FAM117B: variants seen among roughly 807,000 people sequenced by gnomAD.
FAM117B encodes the protein family with sequence similarity 117 member B.
A neutral mutation model predicts 52.8 loss-of-function variants in FAM117B; 22 were observed. The ratio of observed to expected loss-of-function variants is 0.42; its 90% confidence interval spans 0.30 to 0.59. The LOEUF (loss-of-function observed/expected upper bound fraction) is 0.59. FAM117B is among the 20% of genes least tolerant of loss of function. The probability of loss-of-function intolerance (pLI) is 0.22; values close to 1 mark genes in which losing one functional copy is unlikely to be tolerated. For missense variants in FAM117B, 678 were observed against 802.6 expected, an observed-to-expected ratio of 0.84 and a Z score of 1.88; for synonymous variants, 309 against 324.1, an observed-to-expected ratio of 0.95 and a Z score of 0.50.
At chr2:202,706,461 A>AAC (rs1690869653) in intron 2 of FAM117B, among the ~76,000 whole-genome samples, 1 of 152,234 alleles carries the variant, frequency 6.6e-6, no homozygotes, top group South Asian at 2.1e-4. Context: ...TTTCCAGTTT[A>AAC]TGGAAAAGAT....
chr2:202,671,868 G>C (rs1192093448), intron 1 of FAM117B, among the ~76,000 whole-genome samples: 1 of 152,170 alleles, frequency 6.6e-6, no homozygotes, highest in Non-Finnish European at 1.5e-5. Flanking sequence ...AATATAGGTT[G>C]GGTGGCTCTC....
rs1358404767 is a variant in FAM117B at position 202,740,173 on chromosome 2, C to CAAAAAAAAAAAAAAA, written c.960+13810_960+13811insAAAAAAAAAAAAAAA. ...GGAGGACAGAGCGAGACTTCATCCC[C>CAAAAAAAAAAAAAAA]CAAAAAAAAAAAAAAAAAAAAAAAA... On this transcript the variant is annotated intron_variant, in intron 4 of 7. Transcript: ENST00000392238. 1.7e-4 allele frequency among the ~76,000 whole-genome samples: 12 copies of CAAAAAAAAAAAAAAA among 69,670 alleles called. 5 individuals carry two copies. Among genetic ancestry groups the CAAAAAAAAAAAAAAA allele is most frequent in the African/African-American group, 2.9e-4 (5 of 17,448 alleles). The allele number at this position is 69,670 out of a possible 152,430, so 45.7% of individuals were successfully genotyped here. A position where few individuals can be genotyped will look rare whatever the true frequency, so the allele number is the denominator to read the frequency against.
intron 1 of FAM117B, among the ~76,000 whole-genome samples, chr2:202,664,774 C>T (rs974228687): frequency 8.6e-5 from 13 of 151,476 alleles, no homozygotes; most frequent in African/African-American, 2.9e-4. Flanking sequence ...GTTTTGGCCT[C>T]GCTTATAAGA....
At chr2:202,728,372 C>T (rs915123570) in intron 4 of FAM117B, among the ~76,000 whole-genome samples, 11 of 151,970 alleles carry the variant, frequency 7.2e-5, no homozygotes, top group East Asian at 3.9e-4. Context: ...CATTAGTATT[C>T]GTGTATATTC....
At chr2:202,655,593 C>T (rs541241096) in intron 1 of FAM117B, among the ~76,000 whole-genome samples, 5 of 152,058 alleles carry the variant, frequency 3.3e-5, no homozygotes, top group African/African-American at 1.2e-4. Flanking sequence ...GAGAAGTGTT[C>T]CCTTCCTTAT....
chr2:202,674,287 C>G (rs537715217), intron 1 of FAM117B, among the ~76,000 whole-genome samples: 1 of 152,164 alleles, frequency 6.6e-6, no homozygotes, highest in Non-Finnish European at 1.5e-5. Context: ...GTTGCCTAAG[C>G]CTGAAACTTG....
At chr2:202,700,685 A>T (rs1238279843) in intron 2 of FAM117B, among the ~76,000 whole-genome samples, 1 of 138,122 alleles carries the variant, frequency 7.2e-6, no homozygotes, top group East Asian at 2.0e-4. Flanking sequence ...CTAAACAAGA[A>T]TTTTTTTTTT....
chr2:202,640,340 A>ATATATATATATATATATATATATG (rs1371719386), intron 1 of FAM117B, among the ~76,000 whole-genome samples: 1 of 105,734 alleles, frequency 9.5e-6, no homozygotes, highest in African/African-American at 4.3e-5. Context: ...ATATATATAT[A>ATATATATATATATATATATATATG]TATGGCAAGT....
At position 202,765,794 on chromosome 2, in the gene FAM117B, G is replaced by C; in HGVS notation, c.*30G>C. 1.3e-6 allele frequency: 2 copies of C among 1,599,922 alleles called. No individual in the cohort carries two copies. Among genetic ancestry groups the C allele is most frequent in the East Asian group, 4.5e-5 (2 of 44,762 alleles). On this transcript the variant is annotated 3_prime_UTR_variant, in exon 8 of 8. Transcript: ENST00000392238. The stretch of plus-strand genomic sequence containing the variant: ...CAGTGCAACGTGGCTGTTGTTCTGG[G>C]AAATTGGGAACCTCCTCAGATCACT...
chr2:202,720,091 T>C (rs1055041966), intron 2 of FAM117B, among the ~76,000 whole-genome samples: 11 of 152,166 alleles, frequency 7.2e-5, no homozygotes, highest in Non-Finnish European at 1.5e-5. Context: ...TATTCTGTTC[T>C]CCAAGAAACA....
chr2:202,668,302 A>G (rs1690239938), intron 1 of FAM117B, among the ~76,000 whole-genome samples: 1 of 147,540 alleles, frequency 6.8e-6, no homozygotes, highest in African/African-American at 2.5e-5. Flanking sequence ...GGTGGCATGC[A>G]CCTGTAGTCC....
At chr2:202,707,614 C>T (rs957130751) in intron 2 of FAM117B, among the ~76,000 whole-genome samples, 5 of 151,150 alleles carry the variant, frequency 3.3e-5, no homozygotes, top group Non-Finnish European at 7.4e-5. Flanking sequence ...GGCTGAGGCA[C>T]GAGAATCACT....
At chr2:202,751,033 A>G (rs1691713032) in intron 4 of FAM117B, among the ~76,000 whole-genome samples, 1 of 152,244 alleles carries the variant, frequency 6.6e-6, no homozygotes, top group South Asian at 2.1e-4. Flanking sequence ...AATTTATTCT[A>G]TAAACATAGA....
At chr2:202,674,073 A>G (rs949988045) in intron 1 of FAM117B, among the ~76,000 whole-genome samples, 3 of 151,994 alleles carry the variant, frequency 2.0e-5, no homozygotes, top group African/African-American at 7.2e-5. Context: ...TCCATACAGT[A>G]CTTACTTCTT....
At position 202,757,384 on chromosome 2, in the gene FAM117B, A is replaced by T. The variant is rs776682010; in HGVS notation, c.1276A>T (p.Ser426Cys). Residue 426 changes from serine to cysteine, a missense_variant, in exon 6 of 8, where the codon AGC (serine) becomes TGC (cysteine). Physicochemically the swap from Ser to Cys is moderately radical, Grantham distance 112 (BLOSUM62 -1). Transcript: ENST00000392238. ...TSFLTISNEG[S>C]EESPCSADDL... ...GTTCCTCACCATTTCCAATGAAGGT[A>T]GCGAGGAGAGTCCTTGCTCAGCGGA... The T allele has an allele frequency of 1.2e-6, 2 of 1,614,140 alleles. No individual in the cohort carries two copies. The highest frequency in any genetic ancestry group is 3.3e-5 in the Admixed American group (2 of 60,008).
intron 2 of FAM117B, among the ~76,000 whole-genome samples, chr2:202,707,708 A>G (rs1690893992): frequency 6.6e-6 from 1 of 151,960 alleles, no homozygotes; most frequent in Non-Finnish European, 1.5e-5. Flanking sequence ...CTCTGTCTCA[A>G]AAGTCATTCA....
At chr2:202,731,332 A>AAAATATAT (rs1553522256) in intron 4 of FAM117B, among the ~76,000 whole-genome samples, 5 of 30,766 alleles carry the variant, frequency 1.6e-4, no homozygotes, top group Non-Finnish European at 3.1e-4. Flanking sequence ...GAGAAATTGG[A>AAAATATAT]ATATATATAT....
intron 2 of FAM117B, 44 bp from the exon 3 acceptor site, chr2:202,724,873 A>C: frequency 7.1e-7 from 1 of 1,409,552 alleles, no homozygotes. Context: ...CATTGTTGTG[A>C]AATGATTTTT....
chr2:202,735,334 G>A (rs976688555), intron 4 of FAM117B, among the ~76,000 whole-genome samples: 4 of 152,098 alleles, frequency 2.6e-5, no homozygotes, highest in Admixed American at 6.5e-5. Flanking sequence ...TGTATTTCAC[G>A]ATATGCAGAA....
Sources: allele counts gnomAD v4.1 joint callset (sites outside exome capture counted in the v4.1 genomes callset), GRCh38; gene constraint gnomAD v4.1.1; transcripts MANE v1.5; gene names NCBI Gene and HGNC (gene_info 2026-07-23, HGNC 2026-07-21).